SMAD5: variants seen among roughly 807,000 people sequenced by gnomAD.
SMAD5 encodes the protein MAD, mothers against decapentaplegic homolog 5.
SMAD5 carries 9 observed loss-of-function variants against 43.1 expected under a neutral mutation model. The observed-to-expected ratio is 0.21, with a 90% CI of 0.13 to 0.36. The LOEUF is 0.36. SMAD5 is among the 10% of genes least tolerant of loss of function. The probability of loss-of-function intolerance (pLI) is 1.00; values close to 1 mark genes in which losing one functional copy is unlikely to be tolerated. For synonymous variants in SMAD5, 190 were observed against 192.4 expected (o/e 0.99, Z 0.10); for missense variants, 348 against 574.0 (o/e 0.61, Z 4.02).
At chr5:136,174,267 G>C in intron 6 of SMAD5, 109 bp from the exon 7 acceptor site, 1 of 984,490 alleles carries the variant, frequency 1.0e-6, no homozygotes, top group Non-Finnish European at 1.5e-6. Flanking sequence ...TCTAAAGACT[G>C]CTGGAAGTTT....
chr5:136,173,201 A>C (rs985210592), intron 6 of SMAD5, among the ~76,000 whole-genome samples: 2 of 146,526 alleles, frequency 1.4e-5, no homozygotes, highest in African/African-American at 5.3e-5. Flanking sequence ...TTAGGCAATA[A>C]GGTTTTATTA....
intron 1 of SMAD5, among the ~76,000 whole-genome samples, chr5:136,136,947 A>G (rs923790827): frequency 5.3e-5 from 8 of 150,498 alleles, no homozygotes; most frequent in African/African-American, 1.7e-4. Flanking sequence ...TCTGCCCGCT[A>G]TGGCCTCCCA....
At chr5:136,148,102 ATTAGC>A (rs1331467838) in intron 2 of SMAD5, among the ~76,000 whole-genome samples, 196 bp downstream of exon 2, 1 of 151,828 alleles carries the variant, frequency 6.6e-6, no homozygotes, top group African/African-American at 2.4e-5. Context: ...CTGGGAAAAC[ATTAGC>A]TTATAGTAAC....
rs942842223 is a variant in SMAD5 at position 136,174,652 on chromosome 5, A to G, written c.1254+20A>G. 1.3e-6 allele frequency: 2 copies of G among 1,576,438 alleles called. No homozygotes were observed. The highest frequency in any genetic ancestry group is 1.7e-5 in the Admixed American group (1 of 59,714). On this transcript the variant is annotated intron_variant, in intron 7 of 7. Coordinates refer to ENST00000545279, the MANE Select transcript of SMAD5 (RefSeq NM_005903.7). ...GTCAAGGTGAGTTGTGACCTCTAAC[A>G]TAATTTGAGTCACTATAAATGTGTA...
chr5:136,181,007 G>A lies in SMAD5; in HGVS notation c.*3527G>A, dbSNP rs1397597445. The A allele has an allele frequency of 1.3e-5, 2 of 152,090 alleles. No homozygotes were observed. Among genetic ancestry groups the A allele is most frequent in the African/African-American group, 4.8e-5 (2 of 41,432 alleles). 9.4% of individuals were successfully genotyped at this position (152,090 alleles called of 1,614,324 possible). On this transcript the variant is annotated 3_prime_UTR_variant, in exon 8 of 8. Coordinates refer to ENST00000545279, the MANE Select transcript of SMAD5 (RefSeq NM_005903.7). ...TGTGTGGTAGTATTTTGTTGGAAGA[G>A]AATGTTTATACAAAAAATGAAATTC...
chr5:136,143,266 CTTTT>C (rs71583248), intron 1 of SMAD5, among the ~76,000 whole-genome samples: 1 of 141,978 alleles, frequency 7.0e-6, no homozygotes, highest in Admixed American at 7.1e-5. Context: ...CCTCGTATCT[CTTTT>C]TTTTTTTTTT....
At chr5:136,146,882 A>G (rs879408147) in intron 1 of SMAD5, among the ~76,000 whole-genome samples, 1 of 151,780 alleles carries the variant, frequency 6.6e-6, no homozygotes, top group Non-Finnish European at 1.5e-5. Flanking sequence ...GGCATTTAAA[A>G]AAATCTATAT....
chr5:136,162,690 C>G (rs1753863773), intron 4 of SMAD5, among the ~76,000 whole-genome samples: 1 of 152,164 alleles, frequency 6.6e-6, no homozygotes, highest in Non-Finnish European at 1.5e-5. Context: ...TGTTGAAACT[C>G]AAAGATTTTC....
rs892670415 is a variant in SMAD5 at position 136,182,289 on chromosome 5, G to T, written c.*4809G>T. On this transcript the variant is annotated 3_prime_UTR_variant, in exon 8 of 8. Coordinates refer to ENST00000545279, the MANE Select transcript of SMAD5 (RefSeq NM_005903.7). ...TTTCCCTTCTAATATCATTGAAGAT[G>T]ATGTTGCATTGATTTATTCATAAAG... 6.6e-5 allele frequency: 10 copies of T among 151,550 alleles called. No individual in the cohort carries two copies. In the East Asian group the frequency reaches 1.7e-3, roughly 26 times the overall value. The allele number at this position is 151,550 out of a possible 1,614,324, so 9.4% of individuals were successfully genotyped here.
At chr5:136,137,271 C>A (rs1752917085) in intron 1 of SMAD5, among the ~76,000 whole-genome samples, 1 of 69,888 alleles carries the variant, frequency 1.4e-5, no homozygotes, top group South Asian at 3.5e-4. Context: ...TTTTTTGGGA[C>A]CCCCCCCCGC....
chr5:136,177,269 G>T, intron 7 of SMAD5, 68 bp from the exon 8 acceptor site: 1 of 1,377,834 alleles, frequency 7.3e-7, no homozygotes, highest in Non-Finnish European at 1.0e-6. Context: ...TTTTCTTATG[G>T]TAAAATTGGT....
rs545950662 is a variant in SMAD5, at chr5:136,144,721, A to G, written c.-244-3111A>G. On this transcript the variant is annotated intron_variant, in intron 1 of 7. Transcript: ENST00000545279. ...ACAGAGGTGCAAATAGAATCTGCTCAGAAGCCAGATTGTCTAGGGCATTAT... is the reference window on the plus strand; with the variant it reads ...ACAGAGGTGCAAATAGAATCTGCTCGGAAGCCAGATTGTCTAGGGCATTAT... Among the ~76,000 whole-genome samples, 4 of 152,040 alleles carry G rather than the reference A, an allele frequency of 2.6e-5. No individual in the cohort carries two copies. The East Asian group carries it at 7.8e-4, about 29-fold the overall frequency.
chr5:136,139,763 T>C (rs1051979632), intron 1 of SMAD5, among the ~76,000 whole-genome samples: 3 of 152,186 alleles, frequency 2.0e-5, no homozygotes, highest in Non-Finnish European at 4.4e-5. Context: ...TGGCATGATC[T>C]TGGCTCACTG....
At chr5:136,171,228 A>C (rs1306000408) in intron 5 of SMAD5, among the ~76,000 whole-genome samples, 1 of 152,190 alleles carries the variant, frequency 6.6e-6, no homozygotes, top group Non-Finnish European at 1.5e-5. Flanking sequence ...TAATTTGCTG[A>C]GTCTCACTTA....
At position 136,176,457 on chromosome 5, in the gene SMAD5, CAAAAAAAAAAAAA is replaced by C. The variant is rs60311104; in HGVS notation, c.1255-866_1255-854del. On this transcript the variant is annotated intron_variant, in intron 7 of 7. Transcript: ENST00000545279. The stretch of plus-strand genomic sequence containing the variant: ...GCAACAAGAGAGAAACTCTGTCTCA[CAAAAAAAAAAAAA>C]AAAAAAAAAAAAAGAAACTCTGACA... 9.3e-3 allele frequency among the ~76,000 whole-genome samples: 639 copies of C among 68,526 alleles called. 11 individuals are homozygous for C. Among genetic ancestry groups the C allele is most frequent in the African/African-American group, 0.028 (584 of 20,638 alleles). 45.0% of individuals were successfully genotyped at this position (68,526 alleles called of 152,430 possible).
chr5:136,159,505 A>G lies in SMAD5; in HGVS notation c.404-1351A>G, dbSNP rs141197512. 2.5e-3 allele frequency among the ~76,000 whole-genome samples: 382 copies of G among 152,286 alleles called. 5 individuals are homozygous for G. Among genetic ancestry groups the G allele is most frequent in the African/African-American group, 9.0e-3 (375 of 41,566 alleles). On this transcript the variant is annotated intron_variant, in intron 3 of 7. Coordinates refer to ENST00000545279, the MANE Select transcript of SMAD5 (RefSeq NM_005903.7). ...TTTAAAAATCGTGCATAGATAATGT[A>G]CAAGTGAAAGAGAAGCCAGTGATTT...
At chr5:136,135,959 A>T (rs1349451108) in intron 1 of SMAD5, among the ~76,000 whole-genome samples, 23 of 152,194 alleles carry the variant, frequency 1.5e-4, no homozygotes, top group South Asian at 2.1e-4. Context: ...CCGTCTTCTC[A>T]TAGGGTCAAA....
At chr5:136,149,466 A>G (rs1753376884) in intron 2 of SMAD5, among the ~76,000 whole-genome samples, 1 of 151,304 alleles carries the variant, frequency 6.6e-6, no homozygotes, top group South Asian at 2.1e-4. Context: ...GTTCTGTATT[A>G]TCATGAACAG....
Position 136,154,168 on chromosome 5 carries a change from G to A in SMAD5, c.403+5G>A. The A allele has an allele frequency of 6.8e-7, 1 of 1,480,850 alleles. No homozygotes were observed. The highest frequency in any genetic ancestry group is 8.9e-7 in the Non-Finnish European group (1 of 1,118,130). 91.7% of individuals were successfully genotyped at this position (1,480,850 alleles called of 1,614,324 possible). ...ATAAGAGAGTGGAGAGTCCAGGTAG[G>A]TCTTATTCCTGAGAAGAATTTGGAA... On this transcript the variant is annotated splice_donor_5th_base_variant and intron_variant, in intron 3 of 7. Coordinates refer to ENST00000545279, the MANE Select transcript of SMAD5 (RefSeq NM_005903.7).
Sources: allele counts gnomAD v4.1 joint callset (sites outside exome capture counted in the v4.1 genomes callset), GRCh38; gene constraint gnomAD v4.1.1; transcripts MANE v1.5; gene names NCBI Gene and HGNC (gene_info 2026-07-23, HGNC 2026-07-21).